Variants in SLC22A5 observed in about 807,000 individuals in gnomAD.
The protein encoded by SLC22A5 is organic cation/carnitine transporter 2.
Under a neutral mutation model 56.7 loss-of-function variants are expected in SLC22A5, and 44 were observed. The ratio of observed to expected loss-of-function variants is 0.78; its 90% CI spans 0.61 to 1.00. The LOEUF (loss-of-function observed/expected upper bound fraction) is 1.00, where lower values mean the gene tolerates loss of function less well. SLC22A5 is among the 50% of genes least tolerant of loss of function. The pLI, the probability that SLC22A5 is intolerant of heterozygous loss-of-function variation, is 0.00. For synonymous variants in SLC22A5, 278 were observed against 292.1 expected (o/e 0.95, Z 0.49); for missense variants, 675 against 723.0 (o/e 0.93, Z 0.76).
intron 2 of SLC22A5, chr5:132,383,791 A>C: frequency 3.5e-6 from 1 of 284,752 alleles, no homozygotes; most frequent in South Asian, 4.2e-5. Flanking sequence ...TTTCATTTAT[A>C]ATGAATTGTT....
chr5:132,388,828 C>G (rs1273776816), intron 5 of SLC22A5, 93 bp from the exon 6 acceptor site: 3 of 839,646 alleles, frequency 3.6e-6, no homozygotes, highest in Non-Finnish European at 6.3e-6. Flanking sequence ...GAGATGCAGA[C>G]AGCTAAGATG....
chr5:132,382,172 A>G (rs1485212643), intron 2 of SLC22A5: 1 of 152,172 alleles, frequency 6.6e-6, no homozygotes, highest in East Asian at 1.9e-4. Context: ...AAAAACAACA[A>G]CAACAGAAAA....
chr5:132,395,117 GTTTA>G lies in SLC22A5; in HGVS notation c.*849_*852del, dbSNP rs1320637272. 3.9e-5 allele frequency: 6 copies of G among 152,128 alleles called. No homozygotes were observed. The East Asian group carries it at 7.5e-4, about 19-fold the overall frequency. The allele number at this position is 152,128 out of a possible 1,614,324, so 9.4% of individuals were successfully genotyped here. On this transcript the variant is annotated 3_prime_UTR_variant, in exon 10 of 10. Coordinates refer to ENST00000245407, the MANE Select transcript of SLC22A5 (RefSeq NM_003060.4). ...GCTGTAATGTGGGTTTTGTTTTATT[GTTTA>G]TTTGTTTGTTGTTGTATCCTTTTCT...
At position 132,387,129 on chromosome 5, in the gene SLC22A5, C is replaced by T. The variant is rs368926084; in HGVS notation, c.929C>T (p.Ser310Phe). Reference sequence around the variant, plus strand: ...AAAGCCAATGGGATTGTTGTGCCTTCCACTATCTTTGACCCGAGTGAGGTA... The same window carrying T: ...AAAGCCAATGGGATTGTTGTGCCTTTCACTATCTTTGACCCGAGTGAGGTA... The part of the protein sequence containing the change: ...AAKANGIVVP[S>F]TIFDPSELQD... The change falls in exon 5 of 10, where the codon TCC (serine) becomes TTC (phenylalanine). Residue 310 changes from serine to phenylalanine, a missense_variant. By Grantham distance (155) the Ser-to-Phe change is radical (BLOSUM62 -2). Coordinates refer to ENST00000245407, the MANE Select transcript of SLC22A5 (RefSeq NM_003060.4). 4 of 1,614,160 alleles carry T rather than the reference C, an allele frequency of 2.5e-6. No homozygotes were observed. The highest frequency in any genetic ancestry group is 3.4e-6 in the Non-Finnish European group (4 of 1,180,026).
chr5:132,378,626 T>C, intron 2 of SLC22A5, 145 bp downstream of exon 2: 1 of 706,436 alleles, frequency 1.4e-6, no homozygotes, highest in Non-Finnish European at 2.5e-6. Flanking sequence ...TGATATAGAC[T>C]CCATGCCTAG....
chr5:132,393,361 C>A (rs1436699506), intron 8 of SLC22A5, among the ~76,000 whole-genome samples: 1 of 152,188 alleles, frequency 6.6e-6, no homozygotes, highest in African/African-American at 2.4e-5. Context: ...GAAACCCAAC[C>A]TTGGTAAATA....
intron 2 of SLC22A5, chr5:132,383,938 G>C (rs1193583612): frequency 1.6e-6 from 1 of 612,108 alleles, no homozygotes; most frequent in South Asian, 1.9e-5. Context: ...GGCAACCCTG[G>C]TACCCAGGCT....
In SLC22A5 at chr5:132,385,347, G is replaced by A. The variant is rs2126783589; in HGVS notation, c.672G>A (p.Lys224=). Residue 224 remains lysine, a synonymous_variant, in exon 4 of 10, where the codon AAG becomes AAA. Coordinates refer to ENST00000245407, the MANE Select transcript of SLC22A5 (RefSeq NM_003060.4). The part of the protein sequence containing the change: ...AFVLGTEILG[K]SVRIIFSTLG... ...GAACAGGGACAGAAATTCTTGGCAA[G>A]TCAGTTCGTATAATATTCTCTACGT... is the stretch of plus-strand genomic sequence containing the variant. 6.2e-7 allele frequency: 1 copy of A among 1,614,142 alleles called. No individual in the cohort carries two copies. The highest frequency in any genetic ancestry group is 8.5e-7 in the Non-Finnish European group (1 of 1,180,030).
chr5:132,394,590 T>A lies in SLC22A5; in HGVS notation c.*318T>A. On this transcript the variant is annotated 3_prime_UTR_variant, in exon 10 of 10. Coordinates refer to ENST00000245407, the MANE Select transcript of SLC22A5 (RefSeq NM_003060.4). The stretch of plus-strand genomic sequence containing the variant: ...GAGATCTGGAGGAATGTGAGAAGCA[T>A]ATGCTAAATGTACATTTTAATTTTA... 1 of 408,492 alleles carries A rather than the reference T, an allele frequency of 2.4e-6. No individual in the cohort carries two copies. Among genetic ancestry groups the A allele is most frequent in the Non-Finnish European group, 4.4e-6 (1 of 225,312 alleles). 25.3% of individuals were successfully genotyped at this position (408,492 alleles called of 1,614,324 possible).
chr5:132,370,052 C>T lies in SLC22A5; in HGVS notation c.80C>T (p.Ala27Val), dbSNP rs1469815229. 6.2e-7 allele frequency: 1 copy of T among 1,613,368 alleles called. No homozygotes were observed. The highest frequency in any genetic ancestry group is 1.1e-5 in the South Asian group (1 of 91,076). The change falls in exon 1 of 10, where the codon GCC (alanine) becomes GTC (valine). Residue 27 changes from alanine (A) to valine (V), a missense_variant. Transcript: ENST00000245407. ...CGCCTCATCTTCTTCCTGCTCAGCG[C>T]CAGCATCATCCCCAATGGCTTCACC... ...FQRLIFFLLS[A>V]SIIPNGFTGL... is the part of the protein sequence containing the mutation.
Position 132,394,394 on chromosome 5 carries a change from G to A in SLC22A5, c.*122G>A, listed in dbSNP as rs930164439. On this transcript the variant is annotated 3_prime_UTR_variant, in exon 10 of 10. Coordinates refer to ENST00000245407, the MANE Select transcript of SLC22A5 (RefSeq NM_003060.4). The stretch of plus-strand genomic sequence containing the variant: ...TTTGCTGTTTGTCCTCTTGACCTGT[G>A]TCTGACTTGCTCCTGGATGGGCACC... The A allele has an allele frequency of 9.7e-5, 79 of 817,236 alleles. No homozygotes were observed. Among genetic ancestry groups the A allele is most frequent in the Non-Finnish European group, 2.4e-5 (11 of 460,646 alleles). 50.6% of individuals were successfully genotyped at this position (817,236 alleles called of 1,614,324 possible).
chr5:132,375,052 T>G (rs1752088308), intron 1 of SLC22A5, among the ~76,000 whole-genome samples: 1 of 152,034 alleles, frequency 6.6e-6, no homozygotes, highest in African/African-American at 2.4e-5. Flanking sequence ...AGACTCTGTT[T>G]CAAAAGAAAA....
intron 1 of SLC22A5, among the ~76,000 whole-genome samples, chr5:132,372,650 C>T (rs900695152): frequency 5.3e-5 from 8 of 152,186 alleles, no homozygotes; most frequent in Non-Finnish European, 1.2e-4. Flanking sequence ...CTTTCACCTA[C>T]TTATATGTTG....
rs1751812798 is a variant in SLC22A5, at chr5:132,369,854, C to A, written c.-119C>A. 2 of 1,318,100 alleles carry A rather than the reference C, an allele frequency of 1.5e-6. No homozygotes were observed. The highest frequency in any genetic ancestry group is 1.5e-5 in the South Asian group (1 of 66,798). 81.7% of individuals were successfully genotyped at this position (1,318,100 alleles called of 1,614,324 possible). A position where few individuals can be genotyped will look rare whatever the true frequency, so the allele number is the denominator to read the frequency against. On this transcript the variant is annotated 5_prime_UTR_variant, in exon 1 of 10. Coordinates refer to ENST00000245407, the MANE Select transcript of SLC22A5 (RefSeq NM_003060.4). ...AGCTCGCGAGCCTACCCTCCGCGGA[C>A]GGTCTTGGGTCGCCTGCTGCCTGGC...
At chr5:132,392,669 G>T (rs1580894705) in intron 8 of SLC22A5, 54 bp downstream of exon 8, 2 of 1,495,868 alleles carry the variant, frequency 1.3e-6, no homozygotes, top group East Asian at 2.3e-5. Flanking sequence ...AGTACTAACT[G>T]GCTTGAATGT....
intron 9 of SLC22A5, 57 bp downstream of exon 9, chr5:132,393,868 C>A: frequency 6.2e-7 from 1 of 1,600,016 alleles, no homozygotes; most frequent in South Asian, 1.1e-5. Context: ...GGCCAGGTCT[C>A]AGGAGCCCCT....
chr5:132,393,917 C>T (rs1220759719), intron 9 of SLC22A5, 106 bp downstream of exon 9: 1 of 1,326,850 alleles, frequency 7.5e-7, no homozygotes, highest in Non-Finnish European at 1.1e-6. Flanking sequence ...TCACAGACAC[C>T]ATGGACTAGT....
At chr5:132,380,752 T>A (rs1284185163) in intron 2 of SLC22A5, 1 of 152,214 alleles carries the variant, frequency 6.6e-6, no homozygotes, top group East Asian at 1.9e-4. Context: ...GAGTTCAATT[T>A]GTGTGTACTA....
chr5:132,387,260 GC>G, intron 5 of SLC22A5, 109 bp downstream of exon 5: 1 of 1,338,028 alleles, frequency 7.5e-7, no homozygotes, highest in East Asian at 2.3e-5. Flanking sequence ...CCCTCTCTCC[GC>G]CCAAGCCCCA....
Sources: allele counts gnomAD v4.1 joint callset (sites outside exome capture counted in the v4.1 genomes callset), GRCh38; gene constraint gnomAD v4.1.1; transcripts MANE v1.5; gene names NCBI Gene and HGNC (gene_info 2026-07-23, HGNC 2026-07-21).